Variants in PRSS41 observed in about 807,000 individuals in gnomAD.
PRSS41 encodes the protein protease, serine 41.
PRSS41 carries 37 observed loss-of-function variants against 28.8 expected under a neutral mutation model. The ratio of observed to expected loss-of-function variants is 1.29; its 90% confidence interval spans 0.99 to 1.69. The LOEUF (loss-of-function observed/expected upper bound fraction) is 1.69. Among genes scored for constraint, PRSS41 ranks in the 40% most tolerant of loss-of-function variants. The pLI, the probability that PRSS41 is intolerant of heterozygous loss-of-function variation, is 0.00. For synonymous variants in PRSS41, 195 were observed against 163.1 expected, an observed-to-expected ratio of 1.20 and a Z score of -1.49; for missense variants, 431 against 400.7, an observed-to-expected ratio of 1.08 and a Z score of -0.65.
rs1442577049 is a variant in PRSS41 at position 2,799,271 on chromosome 16, C to T, written c.258-15C>T. 2 of 1,550,748 alleles carry T rather than the reference C, an allele frequency of 1.3e-6. No individual in the cohort carries two copies. The highest frequency in any genetic ancestry group is 4.9e-5 in the East Asian group (2 of 40,898). On this transcript the variant is annotated splice_polypyrimidine_tract_variant and intron_variant, in intron 3 of 5. Transcript: ENST00000399677. The stretch of plus-strand genomic sequence containing the variant: ...CCTATTCCAAGGCTCCCCGCCCTCT[C>T]TCCTTTTCTGCTAGGCACTACTATC...
At chr16:2,799,616 G>C in intron 4 of PRSS41, 47 bp downstream of exon 4, 1 of 1,528,554 alleles carries the variant, frequency 6.5e-7, no homozygotes, top group Non-Finnish European at 8.8e-7. Flanking sequence ...TGCGGGGTGA[G>C]CATTACCCTC....
At position 2,798,515 on chromosome 16, in the gene PRSS41, C is replaced by T. The variant is rs143531033; in HGVS notation, c.31C>T (p.Leu11=). Residue 11 remains leucine (L), a synonymous_variant, in exon 1 of 6, where the codon CTG becomes TTG. Coordinates refer to ENST00000399677, the Ensembl canonical transcript of PRSS41. ...CGCGCGCGGGGCGCTGCTGCTGGCG[C>T]TGCTGCTGGCTCGGGCTGGACTCGG... 21,560 of 1,527,810 alleles carry T rather than the reference C, an allele frequency of 0.014. 1,406 individuals carry two copies. The African/African-American group carries it at 0.16, about 11-fold the overall frequency. The allele number at this position is 1,527,810 out of a possible 1,614,324, so 94.6% of individuals were successfully genotyped here.
chr16:2,799,264 G>T (rs1024300370), intron 3 of PRSS41, 22 bp from the exon 4 acceptor site: 1 of 1,549,670 alleles, frequency 6.5e-7, no homozygotes, highest in Non-Finnish European at 8.7e-7. Context: ...AAGGCTCCCC[G>T]CCCTCTCTCC....
rs765464544 is a variant in PRSS41 at position 2,798,496 on chromosome 16, C to T, written c.12C>T (p.Arg4=). 3.3e-6 allele frequency: 5 copies of T among 1,518,740 alleles called. No homozygotes were observed. In the African/African-American group the frequency reaches 4.3e-5, roughly 13 times the overall value. The allele number at this position is 1,518,740 out of a possible 1,614,324, so 94.1% of individuals were successfully genotyped here. The change falls in exon 1 of 6, where the codon CGC becomes CGT. Residue 4 remains arginine (R), a synonymous_variant. Coordinates refer to ENST00000399677, the Ensembl canonical transcript of PRSS41. ...CGGGAGAGGAGGCCATGGGCGCGCG[C>T]GGGGCGCTGCTGCTGGCGCTGCTGC...
exon 6 of PRSS41, chr16:2,805,247 T>C: frequency 1.3e-6 from 1 of 754,574 alleles, no homozygotes; most frequent in Non-Finnish European, 2.1e-6. Flanking sequence ...GACTGCCTGC[T>C]GGATCAGATT....
chr16:2,801,408 T>G (rs527933295), intron 4 of PRSS41, among the ~76,000 whole-genome samples: 1 of 150,650 alleles, frequency 6.6e-6, no homozygotes, highest in African/African-American at 2.4e-5. Context: ...GGCAGGGTCA[T>G]GGGACAATAG....
chr16:2,805,079 A>G, exon 6 of PRSS41: 1 of 1,551,968 alleles, frequency 6.4e-7, no homozygotes, highest in Non-Finnish European at 8.7e-7. Flanking sequence ...CAGTACACCC[A>G]GGCCAAACCC....
chr16:2,800,667 G>C (rs995886483), intron 4 of PRSS41, among the ~76,000 whole-genome samples: 3 of 152,156 alleles, frequency 2.0e-5, no homozygotes, highest in African/African-American at 7.2e-5. Flanking sequence ...GAATGTGAAG[G>C]TCTAGGACAT....
intron 2 of PRSS41, 44 bp downstream of exon 2, chr16:2,798,706 C>A: frequency 7.1e-7 from 1 of 1,404,970 alleles, no homozygotes; most frequent in Non-Finnish European, 9.3e-7. Flanking sequence ...GCGGCTGGGC[C>A]GGGGTGCACG....
In PRSS41 at chr16:2,799,033, C is replaced by CA. The variant is rs1567267016; in HGVS notation, c.167dup (p.Ala57GlyfsTer70). ...GTCCGCGCGCGGGCGCTGGCCATGG[C>CA]AGGCCAGCCTGCGCCTGAGGAGACG... On this transcript the variant is annotated frameshift_variant, in exon 3 of 6. Coordinates refer to ENST00000399677, the Ensembl canonical transcript of PRSS41. LOFTEE classifies it high-confidence loss of function. 6.5e-7 allele frequency: 1 copy of CA among 1,532,410 alleles called. No homozygotes were observed. The highest frequency in any genetic ancestry group is 2.4e-5 in the East Asian group (1 of 40,850). 94.9% of individuals were successfully genotyped at this position (1,532,410 alleles called of 1,614,324 possible). A position where few individuals can be genotyped will look rare whatever the true frequency, so the allele number is the denominator to read the frequency against.
chr16:2,802,797 T>C (rs1200653951), intron 4 of PRSS41, among the ~76,000 whole-genome samples: 1 of 151,180 alleles, frequency 6.6e-6, no homozygotes, highest in Non-Finnish European at 1.5e-5. Context: ...GGCAGGGAGG[T>C]TGCAGTGAGC....
intron 5 of PRSS41, 133 bp from the exon 6 acceptor site, chr16:2,804,781 C>T: frequency 2.4e-6 from 2 of 848,506 alleles, no homozygotes; most frequent in South Asian, 3.4e-5. Flanking sequence ...AGTGTAGAAA[C>T]TGAGACTTGA....
Position 2,798,639 on chromosome 16 carries a change from C to A in PRSS41, c.68C>A (p.Ser23Ter). ...GGTCACTTCTTGTGTCCTGCAGAGTCGCAGGAGGAGGAGCTGTTGTCAGGT... is the reference window on the plus strand; with the variant it reads ...GGTCACTTCTTGTGTCCTGCAGAGTAGCAGGAGGAGGAGCTGTTGTCAGGT... The change falls in exon 2 of 6, where the codon TCG (serine) becomes TAG (stop). Residue 23 changes from serine to a stop codon, truncating the protein, a stop_gained. Coordinates refer to ENST00000399677, the Ensembl canonical transcript of PRSS41. LOFTEE classifies it high-confidence loss of function. 1 of 1,496,312 alleles carries A rather than the reference C, an allele frequency of 6.7e-7. No individual in the cohort carries two copies. The allele number at this position is 1,496,312 out of a possible 1,614,324, so 92.7% of individuals were successfully genotyped here. A position where few individuals can be genotyped will look rare whatever the true frequency, so the allele number is the denominator to read the frequency against.
At chr16:2,799,318 T>C in exon 4 of PRSS41, 1 of 1,551,636 alleles carries the variant, frequency 6.4e-7, no homozygotes. Context: ...ACGGTCCAGC[T>C]GGGCGAGCTG....
At chr16:2,804,021 G>C (rs2069004944) in intron 4 of PRSS41, among the ~76,000 whole-genome samples, 1 of 152,044 alleles carries the variant, frequency 6.6e-6, no homozygotes, top group South Asian at 2.1e-4. Flanking sequence ...GGCAAGTTTT[G>C]ACCTGGATCC....
chr16:2,799,205 C>T, intron 3 of PRSS41, 81 bp downstream of exon 3: 1 of 1,517,304 alleles, frequency 6.6e-7, no homozygotes, highest in South Asian at 1.3e-5. Flanking sequence ...AGCAGCTTGG[C>T]CTCAGGGACT....
At chr16:2,804,591 T>TCAGGTGTAGAGCTGG in intron 5 of PRSS41, 45 bp downstream of exon 5, 1 of 1,533,024 alleles carries the variant, frequency 6.5e-7, no homozygotes, top group Non-Finnish European at 8.8e-7. Context: ...TCTCCAGCTC[T>TCAGGTGTAGAGCTGG]ACACCTGAGA....
chr16:2,804,340 A>G, intron 4 of PRSS41, 49 bp from the exon 5 acceptor site: 2 of 1,539,034 alleles, frequency 1.3e-6, no homozygotes, highest in Non-Finnish European at 1.8e-6. Flanking sequence ...CCTGCTCCAG[A>G]TAGCAGAGGA....
At chr16:2,801,352 T>TA (rs1361461429) in intron 4 of PRSS41, among the ~76,000 whole-genome samples, 97 of 151,910 alleles carry the variant, frequency 6.4e-4, no homozygotes, top group African/African-American at 2.3e-3. Flanking sequence ...TTTTTTAATT[T>TA]TTTTTTTATT....
Sources: gnomAD v4.1 joint callset for allele counts (sites outside exome capture counted in the v4.1 genomes callset) on GRCh38, gnomAD v4.1.1 for gene constraint, MANE v1.5 for transcripts, NCBI Gene and HGNC (gene_info 2026-07-23, HGNC 2026-07-21) for gene names.